Variants in SNTG1 observed in about 807,000 individuals in gnomAD.
SNTG1 encodes gamma-1-syntrophin.
Under a neutral mutation model 74.7 loss-of-function variants are expected in SNTG1, and 39 were observed. The ratio of observed to expected loss-of-function variants is 0.52; its 90% CI spans 0.40 to 0.68. The LOEUF is 0.68. Ranked by LOEUF, SNTG1 falls within the 30% of genes least tolerant of loss-of-function variation. The pLI is 0.00. For synonymous variants in SNTG1, 254 were observed against 217.1 expected (o/e 1.17, Z -1.49); for missense variants, 685 against 609.5 (o/e 1.12, Z -1.30).
intron 9 of SNTG1, among the ~76,000 whole-genome samples, chr8:50,513,004 G>A (rs1452138109): frequency 6.6e-6 from 1 of 152,114 alleles, no homozygotes; most frequent in African/African-American, 2.4e-5. Context: ...GATTTTTAGA[G>A]TTTCCAGTTT....
chr8:50,728,800 A>G (rs2095506063), intron 17 of SNTG1, among the ~76,000 whole-genome samples: 1 of 152,090 alleles, frequency 6.6e-6, no homozygotes, highest in South Asian at 2.1e-4. Context: ...CCCTAATGTG[A>G]TATTTTAGTA....
intron 12 of SNTG1, among the ~76,000 whole-genome samples, chr8:50,571,698 A>G (rs187788029): frequency 1.3e-5 from 2 of 152,222 alleles, no homozygotes; most frequent in Admixed American, 6.5e-5. Flanking sequence ...AAGCAGGACT[A>G]AGGAAACAAC....
At chr8:50,692,233 C>T (rs1389372863) in intron 15 of SNTG1, among the ~76,000 whole-genome samples, 1 of 152,132 alleles carries the variant, frequency 6.6e-6, no homozygotes, top group African/African-American at 2.4e-5. Context: ...TCATTTGAAG[C>T]CTTCTTCTCT....
intron 2 of SNTG1, among the ~76,000 whole-genome samples, chr8:50,182,378 A>T (rs1468276141): frequency 6.6e-6 from 1 of 152,194 alleles, no homozygotes; most frequent in Non-Finnish European, 1.5e-5. Context: ...AACTAATCCA[A>T]ATATTTTTAT....
At chr8:50,690,542 A>G (rs1482495036) in intron 15 of SNTG1, among the ~76,000 whole-genome samples, 2 of 151,942 alleles carry the variant, frequency 1.3e-5, no homozygotes, top group Non-Finnish European at 1.5e-5. Context: ...TTCATTTTCC[A>G]TGTAGTTGTG....
At chr8:50,428,079 G>A (rs1392224386) in intron 4 of SNTG1, among the ~76,000 whole-genome samples, 1 of 152,156 alleles carries the variant, frequency 6.6e-6, no homozygotes, top group Non-Finnish European at 1.5e-5. Flanking sequence ...TGCTTTGGGA[G>A]GCAAAGGTGA....
At position 50,414,466 on chromosome 8, in the gene SNTG1, G is replaced by A. The variant is rs138341064; in HGVS notation, c.162+12122G>A. Among the ~76,000 whole-genome samples the A allele has an allele frequency of 1.1e-3, 167 of 151,918 alleles. 1 individual carries two copies. Among genetic ancestry groups the A allele is most frequent in the African/African-American group, 3.5e-3 (144 of 41,436 alleles). On this transcript the variant is annotated intron_variant, in intron 4 of 18. Coordinates refer to ENST00000642720, the MANE Select transcript of SNTG1 (RefSeq NM_018967.5). ...TAAGAGAGTTTTCTATGCAGGTGAC[G>A]GTGCCTCTCCTGTCCTGCTTGGGTC...
At chr8:50,752,528 T>C (rs1460804007) in intron 18 of SNTG1, among the ~76,000 whole-genome samples, 1 of 151,950 alleles carries the variant, frequency 6.6e-6, no homozygotes, top group African/African-American at 2.4e-5. Flanking sequence ...ATCTGCATTA[T>C]TTTCATTACT....
intron 1 of SNTG1, among the ~76,000 whole-genome samples, chr8:50,094,493 A>G (rs1324091956): frequency 1.3e-5 from 2 of 152,166 alleles, no homozygotes. Context: ...CAAGCAAAAA[A>G]CAAACAACCC....
chr8:50,104,566 G>C (rs956246727), intron 1 of SNTG1, among the ~76,000 whole-genome samples: 1 of 151,914 alleles, frequency 6.6e-6, no homozygotes, highest in African/African-American at 2.4e-5. Flanking sequence ...ATTTCCTTCA[G>C]TTCTGCTCTG....
At chr8:50,291,284 G>C (rs892375027) in intron 2 of SNTG1, among the ~76,000 whole-genome samples, 3 of 151,464 alleles carry the variant, frequency 2.0e-5, no homozygotes, top group African/African-American at 7.3e-5. Context: ...TGCAATGTCA[G>C]ATAATGAAAA....
chr8:50,466,765 A>T (rs1904997), intron 8 of SNTG1, among the ~76,000 whole-genome samples: 2 of 151,844 alleles, frequency 1.3e-5, no homozygotes, highest in South Asian at 2.1e-4. Flanking sequence ...ATTTTGACCC[A>T]GGTACATCAA....
chr8:50,626,767 G>A (rs1446811880), intron 13 of SNTG1, among the ~76,000 whole-genome samples: 1 of 152,124 alleles, frequency 6.6e-6, no homozygotes, highest in African/African-American at 2.4e-5. Context: ...AACCTTCAGC[G>A]TGGGTGTCAT....
intron 1 of SNTG1, among the ~76,000 whole-genome samples, chr8:50,130,550 A>G (rs995910828): frequency 6.6e-6 from 1 of 152,144 alleles, no homozygotes; most frequent in African/African-American, 2.4e-5. Context: ...TAACACTTTC[A>G]CAATGCTAAA....
chr8:50,011,095 G>A (rs761356327), intron 1 of SNTG1, among the ~76,000 whole-genome samples: 6 of 152,008 alleles, frequency 3.9e-5, no homozygotes, highest in Non-Finnish European at 8.8e-5. Flanking sequence ...GACTTCACAT[G>A]GCCCTGCTTT....
intron 12 of SNTG1, among the ~76,000 whole-genome samples, chr8:50,568,227 T>TTGTGTGTGTGTG (rs1554576692): frequency 2.1e-5 from 3 of 146,282 alleles, no homozygotes; most frequent in South Asian, 2.2e-4. Context: ...TTGTCCATGT[T>TTGTGTGTGTGTG]TGTGTGTGTG....
intron 18 of SNTG1, among the ~76,000 whole-genome samples, chr8:50,754,730 T>G (rs1305184504): frequency 6.6e-6 from 1 of 151,922 alleles, no homozygotes; most frequent in African/African-American, 2.4e-5. Flanking sequence ...GCTCTCATTT[T>G]TAATTTTTTT....
chr8:50,591,842 C>T (rs761989101), intron 13 of SNTG1, among the ~76,000 whole-genome samples: 2 of 152,176 alleles, frequency 1.3e-5, no homozygotes, highest in African/African-American at 2.4e-5. Flanking sequence ...CCTTAAGTCC[C>T]TCTGCCCTGA....
chr8:50,374,365 A>G (rs781113545), intron 2 of SNTG1, among the ~76,000 whole-genome samples: 6 of 152,228 alleles, frequency 3.9e-5, no homozygotes, highest in African/African-American at 1.4e-4. Context: ...TCTGTTTAAT[A>G]AAACTATATA....
Sources: gnomAD v4.1 joint callset for allele counts (sites outside exome capture counted in the v4.1 genomes callset) on GRCh38, gnomAD v4.1.1 for gene constraint, MANE v1.5 for transcripts, NCBI Gene and HGNC (gene_info 2026-07-23, HGNC 2026-07-21) for gene names.